Variants in DGKQ observed in about 807,000 individuals in gnomAD.
DGKQ encodes the protein diacylglycerol kinase theta, also known as DAG kinase theta.
DGKQ carries 97 observed loss-of-function variants against 104.2 expected under a neutral mutation model. That is an observed-to-expected ratio of 0.93 (90% CI 0.79 to 1.10). The LOEUF (loss-of-function observed/expected upper bound fraction) is 1.10, where lower values mean the gene tolerates loss of function less well. DGKQ is among the 50% of genes least tolerant of loss of function. DGKQ has a pLI of 0.00. For missense variants in DGKQ, 1,465 were observed against 1,352.1 expected (o/e 1.08, Z -1.31); for synonymous variants, 736 against 595.2 (o/e 1.24, Z -3.44).
rs1224047204 is a variant in DGKQ, at chr4:968,477, A to T, written c.537+2T>A. 4 of 1,603,062 alleles carry T rather than the reference A, an allele frequency of 2.5e-6. No individual in the cohort carries two copies. Among genetic ancestry groups the T allele is most frequent in the Non-Finnish European group, 3.4e-6 (4 of 1,175,452 alleles). ...AGGGCTCCCTGGGGCCGGTACACTC[A>T]CGTGATCCTGGTGCCCATCCTGGTG... On this transcript the variant is annotated splice_donor_variant, in intron 4 of 22. Transcript: ENST00000273814. LOFTEE classifies it high-confidence loss of function.
chr4:964,851 C>T (rs1712177361), intron 15 of DGKQ, among the ~76,000 whole-genome samples: 2 of 152,100 alleles, frequency 1.3e-5, no homozygotes, highest in African/African-American at 4.8e-5. Flanking sequence ...CTGTGGGCCT[C>T]CCTACTGGGT....
chr4:968,232 C>T, intron 5 of DGKQ, 50 bp downstream of exon 5: 1 of 935,416 alleles, frequency 1.1e-6, no homozygotes, highest in Non-Finnish European at 1.5e-6. Context: ...CCCACCCAAC[C>T]CCGCACCTCT....
Position 962,577 on chromosome 4 carries a change from C to T in DGKQ, c.2072G>A (p.Gly691Asp). 1 of 1,609,596 alleles carries T rather than the reference C, an allele frequency of 6.2e-7. No homozygotes were observed. Among genetic ancestry groups the T allele is most frequent in the Non-Finnish European group, 8.5e-7 (1 of 1,179,882 alleles). ...DLGRVLRWGA[G>D]YSGEDPFSVL... ...GGAGAACGGGTCCTCGCCGCTGTAG[C>T]CCGCCCCCCAGCGGAGGACTCGACC... Residue 691 changes from glycine (G) to aspartate (D), a missense_variant, in exon 18 of 23, where the codon GGC becomes GAC. Transcript: ENST00000273814.
Position 960,270 on chromosome 4 carries a change from C to A in DGKQ, c.*350G>T, listed in dbSNP as rs1173185325. 2 of 349,694 alleles carry A rather than the reference C, an allele frequency of 5.7e-6. No homozygotes were observed. The highest frequency in any genetic ancestry group is 1.0e-4 in the East Asian group (2 of 19,666). 21.7% of individuals were successfully genotyped at this position (349,694 alleles called of 1,614,324 possible). A position where few individuals can be genotyped will look rare whatever the true frequency, so the allele number is the denominator to read the frequency against. ...GGCCTGCATCCAGCACTGTCCAGCT[C>A]AAGGGGCTCAGTGGGGAGAGGGATG... On this transcript the variant is annotated 3_prime_UTR_variant, in exon 23 of 23. Transcript: ENST00000273814.
chr4:962,169 C>A, intron 18 of DGKQ, 87 bp from the exon 19 acceptor site: 1 of 1,255,334 alleles, frequency 8.0e-7, no homozygotes, highest in Non-Finnish European at 1.1e-6. Flanking sequence ...CAGGCAGAGA[C>A]AAGAGCAAGG....
Position 967,170 on chromosome 4 carries a change from C to A in DGKQ, c.1179G>T (p.Pro393=), listed in dbSNP as rs535554666. The change falls in exon 9 of 23, where the codon CCG becomes CCT. Residue 393 remains proline, a synonymous_variant. Coordinates refer to ENST00000273814, the MANE Select transcript of DGKQ (RefSeq NM_001347.4). ...TPEAWVIRAL[P]RAQEVLKIYP... is the part of the protein sequence containing the mutation. ...AGATCTTCAGGACCTCCTGGGCCCG[C>A]GGCAGAGCCCGGATGACCCAGGCCT... is the stretch of plus-strand genomic sequence containing the variant. The A allele has an allele frequency of 1.6e-5, 26 of 1,598,504 alleles. No homozygotes were observed. The highest frequency in any genetic ancestry group is 1.9e-5 in the Non-Finnish European group (22 of 1,173,336).
chr4:966,403 T>G, intron 12 of DGKQ, 63 bp downstream of exon 12: 1 of 1,565,358 alleles, frequency 6.4e-7, no homozygotes, highest in Non-Finnish European at 8.8e-7. Context: ...ACCCACCCTG[T>G]GGGGCAGAGG....
At chr4:962,656 G>A (rs1322478675) in intron 17 of DGKQ, 43 bp from the exon 18 acceptor site, 29 of 1,592,768 alleles carry the variant, frequency 1.8e-5, no homozygotes, top group Non-Finnish European at 2.3e-5. Context: ...ACACCCACCC[G>A]CCCATCAGCT....
In DGKQ at chr4:967,217, C is replaced by T. The variant is rs576225867; in HGVS notation, c.1132G>A (p.Gly378Arg). 17 of 1,581,708 alleles carry T rather than the reference C, an allele frequency of 1.1e-5. No homozygotes were observed. The highest frequency in any genetic ancestry group is 1.7e-4 in the Middle Eastern group (1 of 6,016). The change falls in exon 9 of 23, where the codon GGG becomes AGG. Residue 378 changes from glycine to arginine, a missense_variant. Coordinates refer to ENST00000273814, the MANE Select transcript of DGKQ (RefSeq NM_001347.4). The part of the protein sequence containing the change: ...AVISEEGRSP[G>R]SGEATPEAWV... ...GCCTCTGGCGTGGCCTCGCCGGACC[C>T]GGGGCTTCTGCCCTCCTCCGAGATC...
At chr4:970,180 C>T (rs952796084) in intron 2 of DGKQ, among the ~76,000 whole-genome samples, 5 of 152,208 alleles carry the variant, frequency 3.3e-5, no homozygotes, top group Non-Finnish European at 5.9e-5. Flanking sequence ...ACGGCGCAGC[C>T]GGATGCCCGC....
intron 1 of DGKQ, among the ~76,000 whole-genome samples, chr4:972,228 C>A (rs754611172): frequency 2.0e-5 from 3 of 152,112 alleles, no homozygotes; most frequent in Non-Finnish European, 2.9e-5. Flanking sequence ...GCTGCCTCAG[C>A]CACACATGCA....
Position 965,972 on chromosome 4 carries a change from G to A in DGKQ, c.1535C>T (p.Pro512Leu). 1 of 1,605,888 alleles carries A rather than the reference G, an allele frequency of 6.2e-7. No homozygotes were observed. Among genetic ancestry groups the A allele is most frequent in the Non-Finnish European group, 8.5e-7 (1 of 1,177,056 alleles). The change falls in exon 13 of 23, where the codon CCC (proline) becomes CTC (leucine). Residue 512 changes from proline (P) to leucine (L), a missense_variant. Coordinates refer to ENST00000273814, the MANE Select transcript of DGKQ (RefSeq NM_001347.4). Reference protein sequence around the residue: ...FVGGLPPGLSPEEYSSLLHEA... With the variant: ...FVGGLPPGLSLEEYSSLLHEA... Reference sequence around the variant, plus strand: ...ATGCAGCAGGCTGCTGTACTCCTCGGGAGACAGGCCGGGAGGCAGGCCGCC... The same window carrying A: ...ATGCAGCAGGCTGCTGTACTCCTCGAGAGACAGGCCGGGAGGCAGGCCGCC...
chr4:967,490 A>G (rs2153009936), intron 8 of DGKQ, 59 bp downstream of exon 8: 2 of 1,555,294 alleles, frequency 1.3e-6, no homozygotes, highest in East Asian at 2.3e-5. Context: ...CAGGTGCGCC[A>G]GGTGCGGGGA....
At position 961,091 on chromosome 4, in the gene DGKQ, G is replaced by A; in HGVS notation, c.2685C>T (p.Val895=). The change falls in exon 22 of 23, where the codon GTC becomes GTT. Residue 895 remains valine, a synonymous_variant. Coordinates refer to ENST00000273814, the MANE Select transcript of DGKQ (RefSeq NM_001347.4). The part of the protein sequence containing the change: ...TPVQVDGEPW[V]QAPGHMIISA... ...AGATGATCATGTGCCCCGGGGCCTG[G>A]ACCCAGGGCTCCCCGTCCACCTGCA... 1 of 1,612,248 alleles carries A rather than the reference G, an allele frequency of 6.2e-7. No individual in the cohort carries two copies. Among genetic ancestry groups the A allele is most frequent in the Admixed American group, 1.7e-5 (1 of 59,970 alleles).
In DGKQ at chr4:967,351, A is replaced by G; in HGVS notation, c.998T>C (p.Leu333Pro). Reference sequence around the variant, plus strand: ...GTCCTCGGGGATGTGGTGGGCCCGCAGTGCGGCCTCCTGCAGGGCACCAGG... The same window carrying G: ...GTCCTCGGGGATGTGGTGGGCCCGCGGTGCGGCCTCCTGCAGGGCACCAGG... The part of the protein sequence containing the change: ...AGAEEVLEAA[L>P]RAHHIPEDPG... The change falls in exon 9 of 23, where the codon CTG becomes CCG. Residue 333 changes from leucine to proline, a missense_variant. By Grantham distance (98) the Leu-to-Pro change is moderately conservative. Transcript: ENST00000273814. 2 of 1,503,244 alleles carry G rather than the reference A, an allele frequency of 1.3e-6. No individual in the cohort carries two copies. Among genetic ancestry groups the G allele is most frequent in the South Asian group, 2.4e-5 (2 of 83,470 alleles). 93.1% of individuals were successfully genotyped at this position (1,503,244 alleles called of 1,614,324 possible).
Position 968,579 on chromosome 4 carries a change from G to C in DGKQ, c.452-15C>G, listed in dbSNP as rs765959860. 3 of 1,592,562 alleles carry C rather than the reference G, an allele frequency of 1.9e-6. No individual in the cohort carries two copies. The highest frequency in any genetic ancestry group is 2.6e-6 in the Non-Finnish European group (3 of 1,168,496). On this transcript the variant is annotated splice_polypyrimidine_tract_variant and intron_variant, in intron 3 of 22. Coordinates refer to ENST00000273814, the MANE Select transcript of DGKQ (RefSeq NM_001347.4). ...CAGCTCACACACTGGGGGGCAGGCA[G>C]GGTTAGAGGTGTCTGCCGCCCCCGG...
At chr4:960,917 A>T in intron 22 of DGKQ, 132 bp downstream of exon 22, 1 of 1,501,758 alleles carries the variant, frequency 6.7e-7, no homozygotes, top group Non-Finnish European at 8.9e-7. Context: ...CCTCTGAAGC[A>T]GGCACCCTCC....
chr4:961,525 T>C lies in DGKQ; in HGVS notation c.2516A>G (p.Lys839Arg), dbSNP rs1577471157. ...CAGCAGCCCGTCGTCCATGCGTGGC[T>C]TCTCAAACCTGGTGTCGCTGTCGGA... ...WGSDSDTRFE[K>R]PRMDDGLLEV... The change falls in exon 21 of 23, where the codon AAG (lysine) becomes AGG (arginine). Residue 839 changes from lysine to arginine, a missense_variant. Transcript: ENST00000273814. 1.2e-6 allele frequency: 2 copies of C among 1,609,556 alleles called. No individual in the cohort carries two copies. The highest frequency in any genetic ancestry group is 1.7e-6 in the Non-Finnish European group (2 of 1,178,806).
At chr4:969,916 A>T in intron 2 of DGKQ, among the ~76,000 whole-genome samples, 1 of 152,242 alleles carries the variant, frequency 6.6e-6, no homozygotes, top group Non-Finnish European at 1.5e-5. Flanking sequence ...CGGCCGTTAA[A>T]TACATCTTCT....
Sources: gnomAD v4.1 joint callset for allele counts (sites outside exome capture counted in the v4.1 genomes callset) on GRCh38, gnomAD v4.1.1 for gene constraint, MANE v1.5 for transcripts, NCBI Gene and HGNC (gene_info 2026-07-23, HGNC 2026-07-21) for gene names.